Variants in EML1 observed in about 807,000 individuals in gnomAD.
EML1 encodes the protein echinoderm microtubule-associated protein-like 1.
In EML1, 27 loss-of-function variants were observed where a neutral mutation model predicts 110.4. The ratio of observed to expected loss-of-function variants is 0.24; its 90% CI spans 0.18 to 0.34. The LOEUF (loss-of-function observed/expected upper bound fraction) is 0.34. EML1 is among the 10% of genes least tolerant of loss of function. EML1 has a pLI of 1.00. For missense variants in EML1, 741 were observed against 1,030.9 expected, an observed-to-expected ratio of 0.72 and a Z score of 3.85; for synonymous variants, 344 against 385.8, an observed-to-expected ratio of 0.89 and a Z score of 1.27.
chr14:99,932,805 C>A (rs1389995675), intron 17 of EML1, among the ~76,000 whole-genome samples: 1 of 151,892 alleles, frequency 6.6e-6, no homozygotes, highest in South Asian at 2.1e-4. Flanking sequence ...TTGCGTTAAA[C>A]CTGTTTGTTA....
upstream of EML1, chr14:99,793,321 G>GCGT: frequency 1.0e-6 from 1 of 981,010 alleles, no homozygotes; most frequent in Non-Finnish European, 1.2e-6. Context: ...GGCGGCGGCG[G>GCGT]CGGGCCCGGG....
chr14:99,818,981 T>C (rs1041778858), intron 1 of EML1, among the ~76,000 whole-genome samples: 6 of 152,188 alleles, frequency 3.9e-5, no homozygotes, highest in African/African-American at 1.4e-4. Context: ...AGAGACAGGG[T>C]CTCGCTCTGT....
At chr14:99,771,314 A>G (rs2057426096), upstream of EML1, among the ~76,000 whole-genome samples, 1 of 152,184 alleles carries the variant, frequency 6.6e-6, no homozygotes, top group East Asian at 1.9e-4. Flanking sequence ...CTGGACGTTT[A>G]CTATAAATGG....
intron 15 of EML1, chr14:99,914,970 GTC>G (rs2060008773): frequency 2.2e-6 from 1 of 456,526 alleles, no homozygotes; most frequent in South Asian, 2.3e-5. Flanking sequence ...TCTGAGTACA[GTC>G]TCTCAACCAT....
chr14:99,821,938 AGG>A (rs932109688), intron 1 of EML1, among the ~76,000 whole-genome samples: 1 of 152,198 alleles, frequency 6.6e-6, no homozygotes, highest in Admixed American at 6.5e-5. Context: ...CCCTATCAGG[AGG>A]GCAGTAAATC....
rs556194501 is a variant in EML1 at position 99,815,037 on chromosome 14, T to C, written c.67+21494T>C. Among the ~76,000 whole-genome samples the C allele has an allele frequency of 2.0e-5, 3 of 152,208 alleles. No homozygotes were observed. In the South Asian group the frequency reaches 6.2e-4, roughly 32 times the overall value. The stretch of plus-strand genomic sequence containing the variant: ...CCTGGTTTGTGTGATTCCAGAACCT[T>C]CCTGTGGAGCCCATACTCGTGGCTT... On this transcript the variant is annotated intron_variant, in intron 1 of 21. Transcript: ENST00000262233.
At chr14:99,934,180 C>T (rs1206078313) in intron 17 of EML1, among the ~76,000 whole-genome samples, 1 of 152,232 alleles carries the variant, frequency 6.6e-6, no homozygotes, top group East Asian at 1.9e-4. Flanking sequence ...TTATTGCGGT[C>T]ATCGTCACTG....
rs774951235 is a variant in EML1 at position 99,936,140 on chromosome 14, G to C, written c.2007+14G>C. On this transcript the variant is annotated intron_variant, in intron 18 of 21. Transcript: ENST00000262233. The surrounding 1 kb of genome is among the most constrained non-coding windows in gnomAD (Gnocchi z 5.5). ...GGCAAGTGCTCGGTAAGCGCTGACAGTGGACCTGTCGCTTCTCATGCACTG... is the reference window on the plus strand; with the variant it reads ...GGCAAGTGCTCGGTAAGCGCTGACACTGGACCTGTCGCTTCTCATGCACTG... The C allele has an allele frequency of 6.2e-7, 1 of 1,614,082 alleles. No homozygotes were observed. Among genetic ancestry groups the C allele is most frequent in the Non-Finnish European group, 8.5e-7 (1 of 1,179,970 alleles).
In EML1 at chr14:99,939,485, C is replaced by G. The variant is rs537894266; in HGVS notation, c.2322+158C>G. Among the ~76,000 whole-genome samples the G allele has an allele frequency of 1.4e-4, 22 of 152,264 alleles. No individual in the cohort carries two copies. The highest frequency in any genetic ancestry group is 4.3e-4 in the African/African-American group (18 of 41,542). On this transcript the variant is annotated intron_variant, in intron 21 of 21. Coordinates refer to ENST00000262233, the MANE Select transcript of EML1 (RefSeq NM_004434.3). This position sits in a 1 kb window ranked among gnomAD's most constrained non-coding sequence, Gnocchi z 4.2. ...TTGCGCCCTGAGCACTTCCAGCCGC[C>G]CTTAGGGAAACCCCAAGCCCCACAG...
At chr14:99,822,811 C>G (rs2058286389) in intron 1 of EML1, among the ~76,000 whole-genome samples, 1 of 152,216 alleles carries the variant, frequency 6.6e-6, no homozygotes, top group South Asian at 2.1e-4. Context: ...CTTTGCCAGC[C>G]AAAGCCACAC....
intron 1 of EML1, among the ~76,000 whole-genome samples, chr14:99,817,435 G>A (rs1024071303): frequency 3.9e-5 from 6 of 152,234 alleles, no homozygotes; most frequent in Non-Finnish European, 8.8e-5. Flanking sequence ...TCTTGTAGGT[G>A]GCAGTGAAGA....
intron 2 of EML1, among the ~76,000 whole-genome samples, chr14:99,865,210 G>A (rs1240798982): frequency 6.6e-6 from 1 of 152,116 alleles, no homozygotes; most frequent in Non-Finnish European, 1.5e-5. Context: ...GGGAGACAGC[G>A]ACAGATCATC....
intron 1 of EML1, among the ~76,000 whole-genome samples, chr14:99,765,557 C>A (rs1475156441): frequency 1.3e-5 from 2 of 152,102 alleles, no homozygotes; most frequent in Admixed American, 6.5e-5. Flanking sequence ...TCAAAATTTT[C>A]TTCCTTTAAA....
At chr14:99,875,155 A>G (rs1241131579) in intron 3 of EML1, among the ~76,000 whole-genome samples, 3 of 152,170 alleles carry the variant, frequency 2.0e-5, no homozygotes, top group South Asian at 2.1e-4. Flanking sequence ...TAGATGCTCA[A>G]CTGGTCCTCC....
At chr14:99,740,003 A>G (rs2057024088) in intron 1 of EML1, among the ~76,000 whole-genome samples, 1 of 152,164 alleles carries the variant, frequency 6.6e-6, no homozygotes, top group Admixed American at 6.5e-5. Context: ...TTAACTCCTC[A>G]ACGTGCACTA....
At chr14:99,796,690 C>A (rs2057781910) in intron 1 of EML1, among the ~76,000 whole-genome samples, 1 of 149,138 alleles carries the variant, frequency 6.7e-6, no homozygotes, top group African/African-American at 2.5e-5. Flanking sequence ...AAAAAAAAAA[C>A]CTGAAGTGTT....
intron 9 of EML1, among the ~76,000 whole-genome samples, chr14:99,904,909 A>C (rs2059818784): frequency 6.6e-6 from 1 of 152,260 alleles, no homozygotes; most frequent in Non-Finnish European, 1.5e-5. Flanking sequence ...ATGATATAGA[A>C]GACAAATTTA....
At chr14:99,750,653 G>A (rs1440112044) in intron 1 of EML1, among the ~76,000 whole-genome samples, 2 of 152,092 alleles carry the variant, frequency 1.3e-5, no homozygotes, top group Non-Finnish European at 2.9e-5. Flanking sequence ...ATTTTAGGTC[G>A]AGTCCCCTGA....
chr14:99,914,961 C>T (rs1216480835), intron 15 of EML1: 7 of 476,488 alleles, frequency 1.5e-5, no homozygotes, highest in Non-Finnish European at 1.8e-5. Context: ...GTCAGATTTT[C>T]TGAGTACAGT....
Sources: allele counts gnomAD v4.1 joint callset (sites outside exome capture counted in the v4.1 genomes callset), GRCh38; gene constraint gnomAD v4.1.1; non-coding constraint Gnocchi (gnomAD v3.1); transcripts MANE v1.5; gene names NCBI Gene and HGNC (gene_info 2026-07-23, HGNC 2026-07-21).